PCDH15: variants seen among roughly 807,000 people sequenced by gnomAD.
PCDH15 encodes the protein protocadherin related 15.
Under a neutral mutation model 178.5 loss-of-function variants are expected in PCDH15, and 129 were observed. The observed-to-expected ratio is 0.72, with a 90% CI of 0.63 to 0.84. The LOEUF (loss-of-function observed/expected upper bound fraction) is 0.84. Ranked by LOEUF, PCDH15 falls within the 40% of genes least tolerant of loss-of-function variation. The pLI, the probability that PCDH15 is intolerant of heterozygous loss-of-function variation, is 0.00. For synonymous variants in PCDH15, 800 were observed against 732.0 expected, an observed-to-expected ratio of 1.09 and a Z score of -1.50; for missense variants, 2,230 against 2,099.9, an observed-to-expected ratio of 1.06 and a Z score of -1.21.
intron 2 of PCDH15, among the ~76,000 whole-genome samples, chr10:55,132,444 G>A (rs1034628796): frequency 6.6e-6 from 1 of 152,136 alleles, no homozygotes; most frequent in African/African-American, 2.4e-5. Flanking sequence ...AGCATTTGGG[G>A]TTTTAAAAGA....
rs1049777097 is a variant in PCDH15, at chr10:54,527,772, C to T, written c.157+40G>A. 14 of 1,516,104 alleles carry T rather than the reference C, an allele frequency of 9.2e-6. No individual in the cohort carries two copies. In the African/African-American group the frequency reaches 1.4e-4, roughly 15 times the overall value. The allele number at this position is 1,516,104 out of a possible 1,614,324, so 93.9% of individuals were successfully genotyped here. A position where few individuals can be genotyped will look rare whatever the true frequency, so the allele number is the denominator to read the frequency against. ...TGAGAATTAAAATCTGAAGAAAACC[C>T]TCTTAGATAAGACATTTGTAAAATA... On this transcript the variant is annotated intron_variant, in intron 3 of 37. Transcript: ENST00000644397.
At chr10:54,332,458 C>T (rs980716925) in intron 6 of PCDH15, among the ~76,000 whole-genome samples, 2 of 143,790 alleles carry the variant, frequency 1.4e-5, no homozygotes, top group Non-Finnish European at 3.0e-5. Context: ...CACTGTAGGC[C>T]TCTCTCTTCT....
intron 2 of PCDH15, among the ~76,000 whole-genome samples, chr10:55,556,342 A>G (rs1589135879): frequency 2.0e-5 from 3 of 151,856 alleles, no homozygotes; most frequent in African/African-American, 7.3e-5. Context: ...AAAGAATGGA[A>G]CTCCTGGGAT....
At chr10:53,924,739 C>T (rs1255391175) in intron 25 of PCDH15, among the ~76,000 whole-genome samples, 2 of 152,244 alleles carry the variant, frequency 1.3e-5, no homozygotes, top group Non-Finnish European at 2.9e-5. Context: ...TGTAAATGCA[C>T]CAATCAACAC....
chr10:54,878,022 G>A (rs968326709), intron 3 of PCDH15, among the ~76,000 whole-genome samples: 1 of 135,730 alleles, frequency 7.4e-6, no homozygotes, highest in Non-Finnish European at 1.5e-5. Flanking sequence ...GAGTGCAGTG[G>A]CATGATCTCG....
intron 3 of PCDH15, among the ~76,000 whole-genome samples, chr10:54,519,339 A>C (rs576897872): frequency 6.6e-6 from 1 of 152,246 alleles, no homozygotes; most frequent in South Asian, 2.1e-4. Flanking sequence ...AAATCTCCTT[A>C]AGCTGATAAG....
intron 2 of PCDH15, among the ~76,000 whole-genome samples, chr10:54,535,058 G>T (rs1343009189): frequency 6.6e-6 from 1 of 152,112 alleles, no homozygotes; most frequent in Non-Finnish European, 1.5e-5. Flanking sequence ...TCCAATTCAA[G>T]AACAGGATAT....
chr10:55,510,832 A>T (rs1457159455), intron 2 of PCDH15, among the ~76,000 whole-genome samples: 1 of 149,186 alleles, frequency 6.7e-6, no homozygotes, highest in Non-Finnish European at 1.5e-5. Context: ...ATATATACAT[A>T]CACATATATA....
chr10:54,891,468 A>G (rs1016582426), intron 3 of PCDH15, among the ~76,000 whole-genome samples: 1 of 152,112 alleles, frequency 6.6e-6, no homozygotes, highest in African/African-American at 2.4e-5. Flanking sequence ...ATGGTGAATA[A>G]AAGTGTGGTC....
chr10:54,628,539 G>A (rs913414886), intron 2 of PCDH15, among the ~76,000 whole-genome samples: 2 of 152,136 alleles, frequency 1.3e-5, no homozygotes, highest in Non-Finnish European at 2.9e-5. Flanking sequence ...GGGAAATAAT[G>A]TTACTGGTAT....
chr10:54,646,071 T>C (rs940734977), intron 2 of PCDH15, among the ~76,000 whole-genome samples: 1 of 152,114 alleles, frequency 6.6e-6, no homozygotes, highest in Non-Finnish European at 1.5e-5. Flanking sequence ...ACACTACATG[T>C]TTTATCGCAT....
In PCDH15 at chr10:54,369,123, A is replaced by G. The variant is rs754081184; in HGVS notation, c.471T>C (p.Asn157=). Residue 157 remains asparagine (N), a synonymous_variant, in exon 5 of 38, where the codon AAT becomes AAC. Coordinates refer to ENST00000644397, the MANE Select transcript of PCDH15 (RefSeq NM_001384140.1). ...FKHESYYATV[N]ELTPVGTTIF... Reference sequence around the variant, plus strand: ...GAGAGAGTAAATAGAAACTGACCTCATTCACTGTGGCATAGTAGCTTTCAT... The same window carrying G: ...GAGAGAGTAAATAGAAACTGACCTCGTTCACTGTGGCATAGTAGCTTTCAT... 1 of 1,612,868 alleles carries G rather than the reference A, an allele frequency of 6.2e-7. No individual in the cohort carries two copies. The highest frequency in any genetic ancestry group is 2.2e-5 in the East Asian group (1 of 44,814).
intron 1 of PCDH15, among the ~76,000 whole-genome samples, chr10:55,238,135 T>C (rs1393295636): frequency 6.6e-6 from 1 of 151,010 alleles, no homozygotes; most frequent in African/African-American, 2.4e-5. Context: ...ACTTCATGCA[T>C]TCATATTTTC....
At chr10:55,165,200 A>G (rs1034304541) in intron 2 of PCDH15, among the ~76,000 whole-genome samples, 2 of 152,092 alleles carry the variant, frequency 1.3e-5, no homozygotes, top group Non-Finnish European at 2.9e-5. Context: ...TCAACAAACG[A>G]TGAAATTATA....
At chr10:54,618,384 A>G (rs2093249023) in intron 2 of PCDH15, among the ~76,000 whole-genome samples, 1 of 152,162 alleles carries the variant, frequency 6.6e-6, no homozygotes, top group Admixed American at 6.6e-5. Context: ...ATGCTGGAAC[A>G]TACATTATGA....
chr10:55,136,791 A>C (rs1838208251), intron 2 of PCDH15, among the ~76,000 whole-genome samples: 1 of 152,180 alleles, frequency 6.6e-6, no homozygotes, highest in Non-Finnish European at 1.5e-5. Flanking sequence ...CAGTTTAACC[A>C]GTCATCTCTC....
chr10:54,623,277 G>C (rs1249138439), intron 2 of PCDH15, among the ~76,000 whole-genome samples: 3 of 152,066 alleles, frequency 2.0e-5, no homozygotes, highest in African/African-American at 7.2e-5. Flanking sequence ...GGCGGCAGAA[G>C]CTCTGCATAC....
intron 13 of PCDH15, among the ~76,000 whole-genome samples, chr10:54,160,861 A>C (rs1316022296): frequency 6.6e-6 from 1 of 152,190 alleles, no homozygotes; most frequent in Non-Finnish European, 1.5e-5. Flanking sequence ...ACTAATAAGC[A>C]TCTGTATAAT....
chr10:55,598,009 A>C (rs753754957), intron 2 of PCDH15, among the ~76,000 whole-genome samples: 13 of 152,140 alleles, frequency 8.5e-5, no homozygotes, highest in Non-Finnish European at 1.3e-4. Context: ...TCAAGCACGC[A>C]TAAACGCAGC....
Sources: allele counts gnomAD v4.1 joint callset (sites outside exome capture counted in the v4.1 genomes callset), GRCh38; gene constraint gnomAD v4.1.1; transcripts MANE v1.5; gene names NCBI Gene and HGNC (gene_info 2026-07-23, HGNC 2026-07-21).